ZNF503: variants seen among roughly 807,000 people sequenced by gnomAD.
ZNF503 encodes NocA-like zinc finger 2.
Under a neutral mutation model 34.4 loss-of-function variants are expected in ZNF503, and 15 were observed. The observed-to-expected ratio is 0.44, with a 90% confidence interval of 0.29 to 0.67. The LOEUF is 0.67. Ranked by LOEUF, ZNF503 falls within the 30% of genes least tolerant of loss-of-function variation. The probability of loss-of-function intolerance (pLI) is 0.13; values close to 1 mark genes in which losing one functional copy is unlikely to be tolerated. For synonymous variants in ZNF503, 580 were observed against 456.8 expected, an observed-to-expected ratio of 1.27 and a Z score of -3.44; for missense variants, 1,007 against 926.8, an observed-to-expected ratio of 1.09 and a Z score of -1.12.
chr10:75,308,130 C>T, the ZNF503 span, among the ~76,000 whole-genome samples: 1 of 149,822 alleles, frequency 6.7e-6, no homozygotes, highest in Non-Finnish European at 1.5e-5. Context: ...ATAAAAATGA[C>T]TTATGTTAAA....
At chr10:75,328,000 A>G in the ZNF503 span, among the ~76,000 whole-genome samples, 1 of 152,098 alleles carries the variant, frequency 6.6e-6, no homozygotes, top group Non-Finnish European at 1.5e-5. Flanking sequence ...TGTATTCTAG[A>G]TATCTTGTCA....
chr10:75,317,595 A>G, the ZNF503 span, among the ~76,000 whole-genome samples: 1 of 152,028 alleles, frequency 6.6e-6, no homozygotes, highest in African/African-American at 2.4e-5. Context: ...CCCATTTCTT[A>G]ATATGGTTAC....
At chr10:75,395,508 G>A (rs577453576), downstream of ZNF503, among the ~76,000 whole-genome samples, 10 of 152,092 alleles carry the variant, frequency 6.6e-5, no homozygotes, top group Admixed American at 3.9e-4. The surrounding 1 kb of genome is among the most constrained non-coding windows in gnomAD (Gnocchi z 4.4). Context: ...GACACGCGGC[G>A]CTCCGCCCGG....
Position 75,401,538 on chromosome 10 carries a change from C to T in ZNF503, c.-119G>A. The T allele has an allele frequency of 7.9e-7, 1 of 1,261,558 alleles. No homozygotes were observed. Among genetic ancestry groups the T allele is most frequent in the Non-Finnish European group, 1.1e-6 (1 of 928,038 alleles). 78.1% of individuals were successfully genotyped at this position (1,261,558 alleles called of 1,614,324 possible). A position where few individuals can be genotyped will look rare whatever the true frequency, so the allele number is the denominator to read the frequency against. On this transcript the variant is annotated 5_prime_UTR_variant, in exon 1 of 2. Coordinates refer to ENST00000372524, the MANE Select transcript of ZNF503 (RefSeq NM_032772.6). ...GCGGGAGGAGGAGGAGCTGGCGCGG[C>T]GGCCACGGGCGCCCAGCGCGCCTTC...
the ZNF503 span, among the ~76,000 whole-genome samples, chr10:75,323,967 G>A: frequency 8.6e-6 from 1 of 116,736 alleles, no homozygotes; most frequent in Non-Finnish European, 1.7e-5. Flanking sequence ...TCTAGCCTGC[G>A]CAAAAAAGAG....
At chr10:75,400,517 AC>A (rs1194337098) in intron 1 of ZNF503, 143 bp from the exon 2 acceptor site, 3 of 1,419,640 alleles carry the variant, frequency 2.1e-6, no homozygotes, top group Non-Finnish European at 2.8e-6. Context: ...TCTAGGCGGC[AC>A]CCCCTCTTCA....
At chr10:75,370,059 A>AAAATAAATCAAT in the ZNF503 span, among the ~76,000 whole-genome samples, 1 of 142,708 alleles carries the variant, frequency 7.0e-6, no homozygotes, top group Non-Finnish European at 1.5e-5. Context: ...ACTACATGTC[A>AAAATAAATCAAT]AAATAAATAA....
chr10:75,395,872 G>C (rs556013321), downstream of ZNF503, among the ~76,000 whole-genome samples: 2 of 152,342 alleles, frequency 1.3e-5, no homozygotes, highest in African/African-American at 2.4e-5. The surrounding 1 kb of genome is among the most constrained non-coding windows in gnomAD (Gnocchi z 4.4). Flanking sequence ...AGGCACGAAC[G>C]TCCCGGGTTC....
chr10:75,305,908 ATGT>A, the ZNF503 span, among the ~76,000 whole-genome samples: 2 of 152,146 alleles, frequency 1.3e-5, no homozygotes, highest in Non-Finnish European at 2.9e-5. Context: ...GGTATACCAC[ATGT>A]TGTTTGTTAA....
the ZNF503 span, among the ~76,000 whole-genome samples, chr10:75,352,285 C>T: frequency 7.2e-5 from 11 of 152,324 alleles, no homozygotes; most frequent in East Asian, 1.9e-4. Context: ...GCCCTGCCCT[C>T]GGATAGATCT....
In ZNF503 at chr10:75,400,379, G is replaced by A. The variant is rs1046038401; in HGVS notation, c.316-5C>T. On this transcript the variant is annotated splice_region_variant and splice_polypyrimidine_tract_variant and intron_variant, in intron 1 of 1. Coordinates refer to ENST00000372524, the MANE Select transcript of ZNF503 (RefSeq NM_032772.6). ...CGGGCTCTTCTTGGCATCGAGCTGCGGGGTCAGACGATGGGGGGGGAGCGT... is the reference window on the plus strand; with the variant it reads ...CGGGCTCTTCTTGGCATCGAGCTGCAGGGTCAGACGATGGGGGGGGAGCGT... 22 of 1,597,292 alleles carry A rather than the reference G, an allele frequency of 1.4e-5. No individual in the cohort carries two copies. The Middle Eastern group carries it at 6.6e-4, about 48-fold the overall frequency.
chr10:75,358,020 C>T, the ZNF503 span, among the ~76,000 whole-genome samples: 1 of 152,170 alleles, frequency 6.6e-6, no homozygotes. Flanking sequence ...TGGAGAGTCC[C>T]TTTCCTTTTT....
the ZNF503 span, among the ~76,000 whole-genome samples, chr10:75,287,841 A>T: frequency 6.6e-6 from 1 of 152,206 alleles, no homozygotes; most frequent in African/African-American, 2.4e-5. Context: ...GTCTAGTTGC[A>T]AATTCCTCAG....
At chr10:75,375,979 G>A in the ZNF503 span, among the ~76,000 whole-genome samples, 1 of 152,162 alleles carries the variant, frequency 6.6e-6, no homozygotes, top group Non-Finnish European at 1.5e-5. Context: ...CCCAGAGTGG[G>A]AACCGGAGGT....
chr10:75,401,348 T>G lies in ZNF503; in HGVS notation c.72A>C (p.Gly24=), dbSNP rs1843811953. 1.3e-6 allele frequency: 2 copies of G among 1,491,002 alleles called. No individual in the cohort carries two copies. The highest frequency in any genetic ancestry group is 8.8e-7 in the Non-Finnish European group (1 of 1,138,260). The allele number at this position is 1,491,002 out of a possible 1,614,324, so 92.4% of individuals were successfully genotyped here. Residue 24 remains glycine (G), a synonymous_variant, in exon 1 of 2, where the codon GGA becomes GGC. Coordinates refer to ENST00000372524, the MANE Select transcript of ZNF503 (RefSeq NM_032772.6). ...KHSGGGGGGG[G]GGGADPAWTS... is the part of the protein sequence containing the mutation. ...TCCAGGCAGGGTCTGCACCGCCGCC[T>G]CCGCCTCCGCCGCCGCCGCCGCCGC...
chr10:75,380,559 A>G, the ZNF503 span, among the ~76,000 whole-genome samples: 2 of 152,286 alleles, frequency 1.3e-5, no homozygotes, highest in South Asian at 2.1e-4. Context: ...CCTGTCTGGG[A>G]AGGATTTAAG....
chr10:75,375,673 C>G, the ZNF503 span, among the ~76,000 whole-genome samples: 1 of 152,174 alleles, frequency 6.6e-6, no homozygotes. Flanking sequence ...CATGCCACCA[C>G]ACCCGGCTAA....
the ZNF503 span, among the ~76,000 whole-genome samples, chr10:75,369,568 T>A: frequency 6.6e-6 from 1 of 152,242 alleles, no homozygotes; most frequent in South Asian, 2.1e-4. Flanking sequence ...CATGTGGAAC[T>A]GTAAGTCAAT....
the ZNF503 span, among the ~76,000 whole-genome samples, chr10:75,342,334 TCGGGATTTG>T: frequency 2.0e-5 from 3 of 152,214 alleles, no homozygotes; most frequent in South Asian, 4.2e-4. Flanking sequence ...AGAAACAGAC[TCGGGATTTG>T]CATGCAGGAG....
Sources: allele counts gnomAD v4.1 joint callset (sites outside exome capture counted in the v4.1 genomes callset), GRCh38; gene constraint gnomAD v4.1.1; non-coding constraint Gnocchi (gnomAD v3.1); transcripts MANE v1.5; gene names NCBI Gene and HGNC (gene_info 2026-07-23, HGNC 2026-07-21).